Variants in CMSS1 observed in about 807,000 individuals in gnomAD.
The protein encoded by CMSS1 is cms1 ribosomal small subunit homolog, also known as protein CMSS1.
Under a neutral mutation model 43.5 loss-of-function variants are expected in CMSS1, and 33 were observed. The observed-to-expected ratio is 0.76, with a 90% confidence interval of 0.57 to 1.01. CMSS1 has a LOEUF of 1.01. CMSS1 is among the 50% of genes least tolerant of loss of function. The pLI, the probability that CMSS1 is intolerant of heterozygous loss-of-function variation, is 0.00. For synonymous variants in CMSS1, 115 were observed against 117.2 expected, an observed-to-expected ratio of 0.98 and a Z score of 0.12; for missense variants, 313 against 326.4, an observed-to-expected ratio of 0.96 and a Z score of 0.32.
chr3:99,847,253 CAGGCCCCTTAT>C (rs1169564880), intron 1 of CMSS1, among the ~76,000 whole-genome samples: 1 of 150,756 alleles, frequency 6.6e-6, no homozygotes, highest in Non-Finnish European at 1.5e-5. Context: ...CTTTTGAATG[CAGGCCCCTTAT>C]GAACAGGGTA....
chr3:100,031,994 C>CTAATTTTTAATTTTTTTTTTTAATT lies in CMSS1; in HGVS notation c.65-114963_65-114962insTTTTTAATTTAATTTTTAATTTTTT, dbSNP rs550076814. ...TATTTTTCATGCATCATGAAAAATC[C>CTAATTTTTAATTTTTTTTTTTAATT]TAATTTTTAATTTTTTCAGCTGTTT... On this transcript the variant is annotated intron_variant, in intron 1 of 9. Coordinates refer to ENST00000421999, the MANE Select transcript of CMSS1 (RefSeq NM_032359.4). Among the ~76,000 whole-genome samples, 80 of 152,120 alleles carry CTAATTTTTAATTTTTTTTTTTAATT rather than the reference C, an allele frequency of 5.3e-4. 3 individuals carry two copies. In the East Asian group the frequency reaches 0.015, roughly 29 times the overall value.
intron 1 of CMSS1, among the ~76,000 whole-genome samples, chr3:99,854,779 C>T (rs1364250476): frequency 6.6e-6 from 1 of 152,148 alleles, no homozygotes; most frequent in Non-Finnish European, 1.5e-5. Flanking sequence ...AGTTAGACTC[C>T]ATCGTTTTGC....
At chr3:100,019,315 A>T (rs1167281681) in intron 1 of CMSS1, among the ~76,000 whole-genome samples, 1 of 152,140 alleles carries the variant, frequency 6.6e-6, no homozygotes, top group Non-Finnish European at 1.5e-5. Context: ...AGCTATGATC[A>T]TGCCACTGCA....
At chr3:100,164,164 C>T (rs1219727333) in intron 4 of CMSS1, among the ~76,000 whole-genome samples, 4 of 152,224 alleles carry the variant, frequency 2.6e-5, no homozygotes, top group African/African-American at 7.2e-5. Flanking sequence ...CAGCACACCA[C>T]GGCCTCTGCT....
intron 1 of CMSS1, among the ~76,000 whole-genome samples, chr3:100,051,943 A>G (rs1285895388): frequency 6.7e-6 from 1 of 149,092 alleles, no homozygotes; most frequent in Non-Finnish European, 1.5e-5. Flanking sequence ...AATATGAAGT[A>G]TATTATATAA....
intron 1 of CMSS1, among the ~76,000 whole-genome samples, chr3:100,117,837 AT>A (rs2066585852): frequency 1.0e-5 from 1 of 95,276 alleles, no homozygotes; most frequent in Non-Finnish European, 2.1e-5. Flanking sequence ...ATATATATAT[AT>A]ATATATATAT....
At chr3:100,171,962 C>T (rs1035197004) in intron 7 of CMSS1, 63 bp downstream of exon 7, 8 of 1,180,636 alleles carry the variant, frequency 6.8e-6, no homozygotes, top group South Asian at 1.2e-5. Flanking sequence ...TTCCTTTCAA[C>T]CTCTTCTCCT....
chr3:99,820,691 T>C (rs1157930101), intron 1 of CMSS1, among the ~76,000 whole-genome samples: 1 of 152,214 alleles, frequency 6.6e-6, no homozygotes, highest in Non-Finnish European at 1.5e-5. Flanking sequence ...TCCTGATTCT[T>C]CTTTTGTTGA....
chr3:99,952,254 C>G (rs1301897367), intron 1 of CMSS1, among the ~76,000 whole-genome samples: 1 of 152,046 alleles, frequency 6.6e-6, no homozygotes, highest in Non-Finnish European at 1.5e-5. Flanking sequence ...AATTTGTCTC[C>G]TAAATCAAAT....
intron 1 of CMSS1, among the ~76,000 whole-genome samples, chr3:99,982,933 A>G (rs935680403): frequency 1.3e-4 from 20 of 152,188 alleles, no homozygotes; most frequent in African/African-American, 7.2e-5. Flanking sequence ...TGTTACATCA[A>G]AGTAATACAT....
chr3:99,868,586 C>T (rs985661191), intron 1 of CMSS1, among the ~76,000 whole-genome samples: 4 of 152,204 alleles, frequency 2.6e-5, no homozygotes, highest in Admixed American at 2.6e-4. Flanking sequence ...TTTAAGCTGC[C>T]TTCCTTTCTG....
At chr3:99,959,832 A>C (rs934379850) in intron 1 of CMSS1, among the ~76,000 whole-genome samples, 2 of 152,182 alleles carry the variant, frequency 1.3e-5, no homozygotes, top group Admixed American at 6.5e-5. Context: ...ATTACCCAAC[A>C]GTAAGATTAT....
chr3:99,924,902 A>G (rs1214055320), intron 1 of CMSS1, among the ~76,000 whole-genome samples: 2 of 152,210 alleles, frequency 1.3e-5, no homozygotes, highest in African/African-American at 4.8e-5. Flanking sequence ...ATACAAATGT[A>G]GTCTCTTTAT....
chr3:99,830,166 A>G lies in CMSS1; in HGVS notation c.64+12123A>G, dbSNP rs1208329633. The G allele has an allele frequency of 1.2e-4, 30 of 247,814 alleles. 1 individual carries two copies. The South Asian group carries it at 1.3e-3, about 10-fold the overall frequency. 15.4% of individuals were successfully genotyped at this position (247,814 alleles called of 1,614,324 possible). A position where few individuals can be genotyped will look rare whatever the true frequency, so the allele number is the denominator to read the frequency against. ...AGATAGTTCATCTTTGGGTTAGATT[A>G]TATGTCGGATGAGGAAATGGGTAGA... On this transcript the variant is annotated intron_variant, in intron 1 of 9. Coordinates refer to ENST00000421999, the MANE Select transcript of CMSS1 (RefSeq NM_032359.4).
At chr3:100,032,902 A>G (rs2065043959) in intron 1 of CMSS1, among the ~76,000 whole-genome samples, 1 of 152,156 alleles carries the variant, frequency 6.6e-6, no homozygotes, top group Non-Finnish European at 1.5e-5. Context: ...TATTCCCTGC[A>G]ACAAGCCTGC....
chr3:100,167,639 T>A (rs2067075982), intron 5 of CMSS1, 99 bp from the exon 6 acceptor site: 10 of 630,696 alleles, frequency 1.6e-5, no homozygotes, highest in Non-Finnish European at 2.8e-5. Context: ...TACTATATTT[T>A]GTTTTGTTTA....
chr3:100,033,482 A>G (rs1017229971), intron 1 of CMSS1, among the ~76,000 whole-genome samples: 2 of 152,184 alleles, frequency 1.3e-5, no homozygotes, highest in East Asian at 1.9e-4. Context: ...TGTTTGTAAC[A>G]TTGTAAAACT....
intron 1 of CMSS1, among the ~76,000 whole-genome samples, chr3:100,087,978 C>A (rs183490197): frequency 1.2e-4 from 18 of 151,930 alleles, no homozygotes. Flanking sequence ...TTACAGGTGC[C>A]CACCACCATG....
intron 1 of CMSS1, among the ~76,000 whole-genome samples, chr3:100,015,083 A>T (rs1710301999): frequency 1.3e-5 from 2 of 151,610 alleles, no homozygotes; most frequent in African/African-American, 4.8e-5. Context: ...TGTACGAGAT[A>T]AGGGTCTAAT....
Sources: gnomAD v4.1 joint callset for allele counts (sites outside exome capture counted in the v4.1 genomes callset) on GRCh38, gnomAD v4.1.1 for gene constraint, MANE v1.5 for transcripts, NCBI Gene and HGNC (gene_info 2026-07-23, HGNC 2026-07-21) for gene names.